Variants in CHCHD6 observed in about 807,000 individuals in gnomAD.
CHCHD6 encodes coiled-coil-helix-coiled-coil-helix domain containing 6.
In CHCHD6, 28 loss-of-function variants were observed where a neutral mutation model predicts 32.3. The ratio of observed to expected loss-of-function variants is 0.87; its 90% CI spans 0.64 to 1.19. The LOEUF is 1.19. CHCHD6 is among the 50% of genes most tolerant of loss of function. CHCHD6 has a pLI of 0.00. For synonymous variants in CHCHD6, 122 were observed against 117.5 expected, an observed-to-expected ratio of 1.04 and a Z score of -0.25; for missense variants, 333 against 307.0, an observed-to-expected ratio of 1.08 and a Z score of -0.63.
chr3:126,930,420 CCT>C (rs2078387507), intron 6 of CHCHD6, among the ~76,000 whole-genome samples: 1 of 152,228 alleles, frequency 6.6e-6, no homozygotes, highest in African/African-American at 2.4e-5. Flanking sequence ...TCTTGGTATT[CCT>C]GGGCACAGTT....
intron 4 of CHCHD6, among the ~76,000 whole-genome samples, chr3:126,794,691 C>G (rs571426803): frequency 6.6e-6 from 1 of 151,998 alleles, no homozygotes; most frequent in Non-Finnish European, 1.5e-5. Flanking sequence ...CTTGGTACTT[C>G]GAAAATATTC....
rs757891409 is a variant in CHCHD6 at position 126,852,762 on chromosome 3, G to A, written c.495+32G>A. ...CTCCTGCTTGGCTGCATTCCTCGGG[G>A]CCAGGTCCTAAAGGCATCTGACCAG... On this transcript the variant is annotated intron_variant, in intron 5 of 7. Coordinates refer to ENST00000290913, the MANE Select transcript of CHCHD6 (RefSeq NM_032343.3). 8.7e-6 allele frequency: 13 copies of A among 1,492,316 alleles called. No homozygotes were observed. The South Asian group carries it at 1.5e-4, about 17-fold the overall frequency. 92.4% of individuals were successfully genotyped at this position (1,492,316 alleles called of 1,614,324 possible). A position where few individuals can be genotyped will look rare whatever the true frequency, so the allele number is the denominator to read the frequency against.
intron 5 of CHCHD6, among the ~76,000 whole-genome samples, chr3:126,861,627 C>G (rs1370049981): frequency 6.6e-6 from 1 of 151,246 alleles, no homozygotes; most frequent in Non-Finnish European, 1.5e-5. Context: ...CCACCATCAC[C>G]TCCTCCTCTA....
chr3:126,870,198 A>T (rs187054750), intron 5 of CHCHD6, among the ~76,000 whole-genome samples: 53 of 152,358 alleles, frequency 3.5e-4, no homozygotes, highest in Admixed American at 5.2e-4. Flanking sequence ...ACTAGAATGT[A>T]TACAGAGATA....
intron 4 of CHCHD6, among the ~76,000 whole-genome samples, chr3:126,785,125 A>C (rs1328784436): frequency 6.6e-6 from 1 of 152,144 alleles, no homozygotes; most frequent in Non-Finnish European, 1.5e-5. Context: ...TCTCAGCCTC[A>C]GCTCTGGTGA....
intron 4 of CHCHD6, among the ~76,000 whole-genome samples, chr3:126,843,263 T>C (rs1559876217): frequency 6.6e-6 from 1 of 152,304 alleles, no homozygotes; most frequent in East Asian, 1.9e-4. Flanking sequence ...CCTAGTTGGT[T>C]ATGGGTATTA....
chr3:126,798,182 C>T (rs1367896010), intron 4 of CHCHD6, among the ~76,000 whole-genome samples: 2 of 152,164 alleles, frequency 1.3e-5, no homozygotes, highest in African/African-American at 4.8e-5. Flanking sequence ...GCACACGGGC[C>T]ACTCGGGCTT....
intron 4 of CHCHD6, chr3:126,766,950 C>T: frequency 9.9e-7 from 1 of 1,014,182 alleles, no homozygotes; most frequent in East Asian, 2.4e-5. Context: ...AGACTCACTT[C>T]TGGGAGTCCA....
chr3:126,844,517 A>T (rs1941220367), intron 4 of CHCHD6, among the ~76,000 whole-genome samples: 1 of 152,202 alleles, frequency 6.6e-6, no homozygotes, highest in Non-Finnish European at 1.5e-5. Context: ...TAATATTAAT[A>T]TAGCTACACC....
chr3:126,863,363 C>T (rs1217419408), intron 5 of CHCHD6, among the ~76,000 whole-genome samples: 4 of 122,686 alleles, frequency 3.3e-5, no homozygotes, highest in Non-Finnish European at 5.1e-5. Context: ...TCTACCATCA[C>T]CACCTCCTCC....
intron 4 of CHCHD6, among the ~76,000 whole-genome samples, chr3:126,738,455 A>G (rs1483158166): frequency 6.6e-6 from 1 of 152,208 alleles, no homozygotes; most frequent in Non-Finnish European, 1.5e-5. Flanking sequence ...TTTTGGTTTT[A>G]CTACAGCTGT....
At chr3:126,754,125 C>T (rs1936852605) in intron 4 of CHCHD6, among the ~76,000 whole-genome samples, 1 of 152,176 alleles carries the variant, frequency 6.6e-6, no homozygotes, top group African/African-American at 2.4e-5. Flanking sequence ...CTTTGGATCA[C>T]AGTCTGAACT....
At chr3:126,842,934 G>A (rs556003470) in intron 4 of CHCHD6, among the ~76,000 whole-genome samples, 2 of 149,476 alleles carry the variant, frequency 1.3e-5, no homozygotes, top group South Asian at 2.1e-4. Context: ...AAATATGTCT[G>A]TTAAACCAAC....
At chr3:126,786,324 G>A (rs959416973) in intron 4 of CHCHD6, among the ~76,000 whole-genome samples, 25 of 152,120 alleles carry the variant, frequency 1.6e-4, no homozygotes, top group African/African-American at 5.8e-4. Context: ...ATGATTTATA[G>A]TCCTTTGGGT....
At chr3:126,838,990 GTGA>G (rs1015462389) in intron 4 of CHCHD6, among the ~76,000 whole-genome samples, 2 of 151,026 alleles carry the variant, frequency 1.3e-5, no homozygotes, top group African/African-American at 4.9e-5. Context: ...CTGGGCTCAA[GTGA>G]TCCTCCTGCC....
rs1935745838 is a variant in CHCHD6, at chr3:126,730,564, C to A, written c.200C>A (p.Ser67Tyr). The stretch of plus-strand genomic sequence containing the variant: ...CTTTCTTCTCTTTCCTTTGCAGAAT[C>A]CACACTGCCCAGGTCGGGGAGCAGT... ...DGNLRAPHKESTLPRSGSSGG... is the reference protein window; with the variant it reads ...DGNLRAPHKEYTLPRSGSSGG... The change falls in exon 3 of 8, where the codon TCC (serine) becomes TAC (tyrosine). Residue 67 changes from serine (S) to tyrosine (Y), a missense_variant. Ser to Tyr is a moderately radical substitution (Grantham distance 144). Coordinates refer to ENST00000290913, the MANE Select transcript of CHCHD6 (RefSeq NM_032343.3). The A allele has an allele frequency of 1.9e-6, 3 of 1,613,528 alleles. No individual in the cohort carries two copies. The highest frequency in any genetic ancestry group is 2.5e-6 in the Non-Finnish European group (3 of 1,179,702).
chr3:126,747,100 C>G (rs1936537834), intron 4 of CHCHD6, among the ~76,000 whole-genome samples: 1 of 152,184 alleles, frequency 6.6e-6, no homozygotes. Flanking sequence ...GGTTGCTTCT[C>G]TTCCGAGACA....
intron 6 of CHCHD6, among the ~76,000 whole-genome samples, chr3:126,944,028 A>G (rs1400381145): frequency 2.0e-5 from 3 of 152,270 alleles, no homozygotes; most frequent in South Asian, 2.1e-4. Context: ...CTTGGGTTTG[A>G]TGATGACTCT....
chr3:126,721,557 T>C (rs1346329418), intron 1 of CHCHD6, among the ~76,000 whole-genome samples: 1 of 152,220 alleles, frequency 6.6e-6, no homozygotes, highest in Non-Finnish European at 1.5e-5. Flanking sequence ...TGGTGTTCTC[T>C]CCCTTTTTAT....
Sources: allele counts gnomAD v4.1 joint callset (sites outside exome capture counted in the v4.1 genomes callset), GRCh38; gene constraint gnomAD v4.1.1; transcripts MANE v1.5; gene names NCBI Gene and HGNC (gene_info 2026-07-23, HGNC 2026-07-21).